Variants in YWHAE observed in about 807,000 individuals in gnomAD.
The protein encoded by YWHAE is 14-3-3 protein epsilon.
A neutral mutation model predicts 30.1 loss-of-function variants in YWHAE; 4 were observed. That is an observed-to-expected ratio of 0.13 (90% CI 0.07 to 0.30). YWHAE has a LOEUF of 0.30. Among genes scored for constraint, YWHAE ranks in the 10% least tolerant of loss-of-function variants. The pLI is 1.00. For missense variants in YWHAE, 121 were observed against 315.9 expected, an observed-to-expected ratio of 0.38 and a Z score of 4.68; for synonymous variants, 118 against 111.8, an observed-to-expected ratio of 1.06 and a Z score of -0.35.
At chr17:1,358,384 C>A (rs879858985) in intron 4 of YWHAE, among the ~76,000 whole-genome samples, 10 of 152,050 alleles carry the variant, frequency 6.6e-5, no homozygotes, top group African/African-American at 2.4e-5. Context: ...GGACTACAGG[C>A]GCCCGCCACC....
intron 1 of YWHAE, among the ~76,000 whole-genome samples, chr17:1,385,146 A>G (rs1263424107): frequency 6.8e-6 from 1 of 146,022 alleles, no homozygotes; most frequent in Non-Finnish European, 1.5e-5. Context: ...CTCTGTCTCA[A>G]AAAAAAAAAA....
intron 5 of YWHAE, among the ~76,000 whole-genome samples, chr17:1,353,453 AAAG>A (rs1195281523): frequency 0.01 from 1,487 of 146,372 alleles, 15 homozygotes; most frequent in Non-Finnish European, 0.015. Context: ...AAAAAAAAGA[AAAG>A]AAAAGAAAAG....
rs116587428 is a variant in YWHAE, at chr17:1,372,927, C to A, written c.65-7869G>T. Among the ~76,000 whole-genome samples the A allele has an allele frequency of 6.5e-3, 994 of 151,794 alleles. 15 individuals are homozygous for A. The highest frequency in any genetic ancestry group is 0.023 in the African/African-American group (956 of 41,382). On this transcript the variant is annotated intron_variant, in intron 1 of 5. Transcript: ENST00000264335. ...TTCCTGCCTGGGTGACAGAGTGAGA[C>A]CCTGTCTCCAAAAATTAATAGTAAA...
At chr17:1,359,897 C>CGG (rs1295524922) in intron 4 of YWHAE, among the ~76,000 whole-genome samples, 5 of 62,210 alleles carry the variant, frequency 8.0e-5, no homozygotes. Flanking sequence ...GAGAGGGAGA[C>CGG]GGGGAGAGAG....
intron 4 of YWHAE, among the ~76,000 whole-genome samples, chr17:1,360,492 T>C (rs2072847523): frequency 6.6e-6 from 1 of 152,184 alleles, no homozygotes; most frequent in Non-Finnish European, 1.5e-5. Context: ...CTGGGTGTGG[T>C]GACTCATGCT....
intron 1 of YWHAE, among the ~76,000 whole-genome samples, chr17:1,391,769 G>C (rs144850508): frequency 0.012 from 1,888 of 152,160 alleles, 28 homozygotes; most frequent in African/African-American, 0.043. Flanking sequence ...CTTGAACCCA[G>C]GAGTTACCTG....
intron 5 of YWHAE, among the ~76,000 whole-genome samples, chr17:1,349,386 CA>C (rs1341174208): frequency 1.3e-5 from 2 of 152,162 alleles, no homozygotes; most frequent in Non-Finnish European, 2.9e-5. Context: ...AACTGATGAA[CA>C]ATTTCTTTGT....
intron 1 of YWHAE, among the ~76,000 whole-genome samples, chr17:1,375,207 A>G (rs1180144936): frequency 6.6e-6 from 1 of 152,186 alleles, no homozygotes; most frequent in Non-Finnish European, 1.5e-5. Flanking sequence ...TATCACTGTC[A>G]TCTTTATCCT....
At chr17:1,391,565 A>T (rs976161808) in intron 1 of YWHAE, among the ~76,000 whole-genome samples, 1 of 152,232 alleles carries the variant, frequency 6.6e-6, no homozygotes, top group Non-Finnish European at 1.5e-5. Flanking sequence ...ACAATTTAAT[A>T]AATTTAAATG....
At chr17:1,386,278 T>C (rs1280510801) in intron 1 of YWHAE, among the ~76,000 whole-genome samples, 2 of 152,184 alleles carry the variant, frequency 1.3e-5, no homozygotes, top group Non-Finnish European at 2.9e-5. Context: ...GTCTTTAACA[T>C]GGGACACCCA....
intron 5 of YWHAE, among the ~76,000 whole-genome samples, chr17:1,351,728 A>C (rs984610957): frequency 2.0e-5 from 3 of 151,712 alleles, no homozygotes; most frequent in Non-Finnish European, 4.4e-5. Flanking sequence ...AGATCCCCCA[A>C]CCTCAGCCGT....
rs946234459 is a variant in YWHAE, at chr17:1,400,196, G to T, written c.-86C>A. On this transcript the variant is annotated 5_prime_UTR_variant, in exon 1 of 6. Transcript: ENST00000264335. Reference sequence around the variant, plus strand: ...TCTCAGCCTCTCGCTCCGCGTCCGGGCAGCAAAAATGGCGGCGCCTCAATC... The same window carrying T: ...TCTCAGCCTCTCGCTCCGCGTCCGGTCAGCAAAAATGGCGGCGCCTCAATC... 5 of 1,544,762 alleles carry T rather than the reference G, an allele frequency of 3.2e-6. No homozygotes were observed. The African/African-American group carries it at 5.4e-5, about 17-fold the overall frequency.
intron 1 of YWHAE, among the ~76,000 whole-genome samples, chr17:1,372,117 C>T (rs1424545637): frequency 1.3e-5 from 2 of 152,234 alleles, no homozygotes; most frequent in Non-Finnish European, 2.9e-5. Flanking sequence ...GGATTACAGG[C>T]GTGAGCCACC....
intron 4 of YWHAE, among the ~76,000 whole-genome samples, chr17:1,360,259 G>C (rs1045196852): frequency 6.6e-6 from 1 of 152,076 alleles, no homozygotes; most frequent in African/African-American, 2.4e-5. Flanking sequence ...ACTGCACCCA[G>C]GCTATCACAA....
intron 1 of YWHAE, among the ~76,000 whole-genome samples, chr17:1,376,514 A>G (rs1367117381): frequency 1.3e-5 from 2 of 149,176 alleles, no homozygotes; most frequent in Non-Finnish European, 2.9e-5. Context: ...CTTTTCTCTT[A>G]AAGAGACGGG....
chr17:1,350,758 T>A (rs1227945775), intron 5 of YWHAE, among the ~76,000 whole-genome samples: 1 of 147,668 alleles, frequency 6.8e-6, no homozygotes, highest in Non-Finnish European at 1.5e-5. Flanking sequence ...TTTATTAAAA[T>A]AATAATAATA....
intron 1 of YWHAE, among the ~76,000 whole-genome samples, chr17:1,376,770 T>G (rs16945579): frequency 0.035 from 5,388 of 152,212 alleles, 115 homozygotes; most frequent in East Asian, 0.053. Context: ...ACTATCAGGC[T>G]GACAAGTCAC....
chr17:1,396,153 C>T (rs1239598526), intron 1 of YWHAE, among the ~76,000 whole-genome samples: 1 of 151,808 alleles, frequency 6.6e-6, no homozygotes, highest in Non-Finnish European at 1.5e-5. Context: ...GGCGCGGTGG[C>T]TCAGGTCCTT....
chr17:1,368,880 T>C (rs866021214), intron 1 of YWHAE, among the ~76,000 whole-genome samples: 1 of 152,186 alleles, frequency 6.6e-6, no homozygotes, highest in Non-Finnish European at 1.5e-5. Context: ...CAATATTACA[T>C]ACAGAAAAAC....
Sources: allele counts gnomAD v4.1 joint callset (sites outside exome capture counted in the v4.1 genomes callset), GRCh38; gene constraint gnomAD v4.1.1; transcripts MANE v1.5; gene names NCBI Gene and HGNC (gene_info 2026-07-23, HGNC 2026-07-21).